MAGI3: variants seen among roughly 807,000 people sequenced by gnomAD.
MAGI3 encodes membrane associated guanylate kinase, WW and PDZ domain containing 3, also known as membrane-associated guanylate kinase, WW and PDZ domain-containing protein 3.
In MAGI3, 43 loss-of-function variants were observed where a neutral mutation model predicts 121.8. The observed-to-expected ratio is 0.35, with a 90% CI of 0.28 to 0.46. The LOEUF (loss-of-function observed/expected upper bound fraction) is 0.46. Ranked by LOEUF, MAGI3 falls within the 20% of genes least tolerant of loss-of-function variation. The pLI, the probability that MAGI3 is intolerant of heterozygous loss-of-function variation, is 1.00. For missense variants in MAGI3, 1,547 were observed against 1,797.3 expected, an observed-to-expected ratio of 0.86 and a Z score of 2.52; for synonymous variants, 553 against 639.3, an observed-to-expected ratio of 0.86 and a Z score of 2.04.
At chr1:113,623,412 T>TAC (rs753031755) in intron 9 of MAGI3, among the ~76,000 whole-genome samples, 1 of 150,146 alleles carries the variant, frequency 6.7e-6, no homozygotes. Flanking sequence ...TATATATATA[T>TAC]ACACACACAT....
chr1:113,448,846 A>T (rs926969482), intron 1 of MAGI3, among the ~76,000 whole-genome samples: 11 of 152,188 alleles, frequency 7.2e-5, no homozygotes, highest in Non-Finnish European at 1.2e-4. Context: ...GAGGCCGGGC[A>T]CAGTGGATCA....
At chr1:113,493,588 G>A (rs866020505) in intron 1 of MAGI3, among the ~76,000 whole-genome samples, 38 of 152,284 alleles carry the variant, frequency 2.5e-4, no homozygotes, top group Admixed American at 4.6e-4. Flanking sequence ...AGAGTGAACA[G>A]ACAACCTACA....
At chr1:113,622,705 A>G (rs1340919845) in intron 8 of MAGI3, 101 bp from the exon 9 acceptor site, 1 of 947,782 alleles carries the variant, frequency 1.1e-6, no homozygotes, top group Non-Finnish European at 1.5e-6. Context: ...AAAGAGATTA[A>G]GTTGAGAATA....
At chr1:113,578,297 T>G (rs2101715726) in intron 2 of MAGI3, among the ~76,000 whole-genome samples, 1 of 152,308 alleles carries the variant, frequency 6.6e-6, no homozygotes, top group South Asian at 2.1e-4. Flanking sequence ...ATCAATCCAG[T>G]CCAAATTCAA....
chr1:113,622,682 A>G (rs1650900649), intron 8 of MAGI3, 124 bp from the exon 9 acceptor site: 5 of 770,288 alleles, frequency 6.5e-6, no homozygotes, highest in African/African-American at 1.9e-5. Context: ...GTAAGCACAG[A>G]CAAGGCAATG....
chr1:113,503,309 GAAAAAA>G (rs59331456), intron 1 of MAGI3, among the ~76,000 whole-genome samples: 10 of 36,136 alleles, frequency 2.8e-4, no homozygotes, highest in Admixed American at 1.4e-3. Context: ...CCTGTCTCAG[GAAAAAA>G]AAAAAAAAAA....
chr1:113,661,233 C>T (rs920978233), intron 16 of MAGI3, among the ~76,000 whole-genome samples: 10 of 152,086 alleles, frequency 6.6e-5, no homozygotes, highest in Non-Finnish European at 1.0e-4. Context: ...ATTATTTTAC[C>T]TACATGACTG....
chr1:113,483,518 T>C (rs1338101580), intron 1 of MAGI3, among the ~76,000 whole-genome samples: 2 of 152,206 alleles, frequency 1.3e-5, no homozygotes, highest in Non-Finnish European at 2.9e-5. Flanking sequence ...AATGTGACCA[T>C]GCTGGTACTG....
chr1:113,428,757 A>C (rs944506671), intron 1 of MAGI3, among the ~76,000 whole-genome samples: 1 of 152,184 alleles, frequency 6.6e-6, no homozygotes, highest in African/African-American at 2.4e-5. Context: ...GCACGTCTCA[A>C]GTTAGACTCT....
intron 6 of MAGI3, among the ~76,000 whole-genome samples, chr1:113,607,638 T>C (rs1417372454): frequency 6.6e-6 from 1 of 152,150 alleles, no homozygotes; most frequent in Non-Finnish European, 1.5e-5. Flanking sequence ...TTTAAAAACA[T>C]CTATTTTTGT....
intron 4 of MAGI3, among the ~76,000 whole-genome samples, chr1:113,589,171 AT>A (rs1252754159): frequency 6.6e-6 from 1 of 151,944 alleles, no homozygotes; most frequent in East Asian, 1.9e-4. Context: ...GCTTGCTTCT[AT>A]TTTGTTAGTG....
chr1:113,593,816 AG>A (rs1240903945), intron 5 of MAGI3, among the ~76,000 whole-genome samples: 2 of 152,190 alleles, frequency 1.3e-5, no homozygotes, highest in Non-Finnish European at 2.9e-5. Context: ...AAAATGAAGC[AG>A]GGGCAGGATA....
chr1:113,597,787 G>A (rs190328255), intron 6 of MAGI3, among the ~76,000 whole-genome samples: 1 of 152,114 alleles, frequency 6.6e-6, no homozygotes, highest in African/African-American at 2.4e-5. Flanking sequence ...AAGAAATAAA[G>A]TATTTTTCAG....
chr1:113,629,171 ATTAT>A (rs1301797115), intron 9 of MAGI3, among the ~76,000 whole-genome samples: 1 of 151,816 alleles, frequency 6.6e-6, no homozygotes, highest in African/African-American at 2.4e-5. Flanking sequence ...AAGCTCACTA[ATTAT>A]TTCTTCTACT....
At chr1:113,423,733 C>T (rs1245650067) in intron 1 of MAGI3, among the ~76,000 whole-genome samples, 1 of 152,210 alleles carries the variant, frequency 6.6e-6, no homozygotes, top group African/African-American at 2.4e-5. Flanking sequence ...GCAGCCCGGC[C>T]TCCAGGCTTC....
chr1:113,557,119 T>C (rs1660026304), intron 2 of MAGI3, among the ~76,000 whole-genome samples: 1 of 151,888 alleles, frequency 6.6e-6, no homozygotes, highest in South Asian at 2.1e-4. Context: ...CTTTGGAGAG[T>C]CCAAAAGTTT....
chr1:113,578,410 A>G (rs1029066902), intron 2 of MAGI3, among the ~76,000 whole-genome samples: 12 of 151,876 alleles, frequency 7.9e-5, no homozygotes, highest in African/African-American at 2.9e-4. Flanking sequence ...TAATCCTTGA[A>G]TTTCCTTTTT....
intron 16 of MAGI3, among the ~76,000 whole-genome samples, chr1:113,666,448 T>A (rs1654048251): frequency 6.6e-6 from 1 of 152,208 alleles, no homozygotes; most frequent in African/African-American, 2.4e-5. Flanking sequence ...AGCCACTTCT[T>A]TGCTCATCCG....
chr1:113,475,838 C>T (rs778059123), intron 1 of MAGI3, among the ~76,000 whole-genome samples: 1 of 152,186 alleles, frequency 6.6e-6, no homozygotes. Context: ...TAGAATTCGG[C>T]TGTGAATCCC....
Sources: gnomAD v4.1 joint callset for allele counts (sites outside exome capture counted in the v4.1 genomes callset) on GRCh38, gnomAD v4.1.1 for gene constraint, MANE v1.5 for transcripts, NCBI Gene and HGNC (gene_info 2026-07-23, HGNC 2026-07-21) for gene names.